The following MSL2 variants were observed in gnomAD, a reference collection of about 807,000 sequenced individuals.
MSL2 encodes the protein E3 ubiquitin-protein ligase MSL2.
A neutral mutation model predicts 35.8 loss-of-function variants in MSL2; 2 were observed. The ratio of observed to expected loss-of-function variants is 0.06; its 90% CI spans 0.02 to 0.18. The LOEUF (loss-of-function observed/expected upper bound fraction) is 0.18, where lower values mean the gene tolerates loss of function less well. MSL2 is among the 10% of genes least tolerant of loss of function. The pLI is 1.00. For missense variants in MSL2, 523 were observed against 706.7 expected, an observed-to-expected ratio of 0.74 and a Z score of 2.95; for synonymous variants, 296 against 255.7, an observed-to-expected ratio of 1.16 and a Z score of -1.50.
intron 1 of MSL2, among the ~76,000 whole-genome samples, chr3:136,159,005 G>T (rs1362649451): frequency 1.3e-5 from 2 of 152,298 alleles, no homozygotes; most frequent in East Asian, 3.9e-4. Context: ...ATATTGTCAA[G>T]ATGGCAGTTT....
At chr3:136,175,503 T>G (rs1940148461) in intron 1 of MSL2, among the ~76,000 whole-genome samples, 1 of 151,732 alleles carries the variant, frequency 6.6e-6, no homozygotes, top group Non-Finnish European at 1.5e-5. Context: ...CTAAGCAGCA[T>G]AGTGAAACCC....
chr3:136,150,723 C>T lies in MSL2; in HGVS notation c.*424G>A, dbSNP rs148259011. Reference sequence around the variant, plus strand: ...GAGAAACATCAATGACATCTGAAGGCAGCACTGAGTTTCCTGAACTAATGG... The same window carrying T: ...GAGAAACATCAATGACATCTGAAGGTAGCACTGAGTTTCCTGAACTAATGG... On this transcript the variant is annotated 3_prime_UTR_variant, in exon 2 of 2. Transcript: ENST00000309993. 8.6e-5 allele frequency: 15 copies of T among 174,886 alleles called. No individual in the cohort carries two copies. The East Asian group carries it at 2.0e-3, about 23-fold the overall frequency. 10.8% of individuals were successfully genotyped at this position (174,886 alleles called of 1,614,324 possible). A position where few individuals can be genotyped will look rare whatever the true frequency, so the allele number is the denominator to read the frequency against.
rs527990310 is a variant in MSL2, at chr3:136,195,210, G to A, written c.-97C>T. On this transcript the variant is annotated 5_prime_UTR_variant, in exon 1 of 2. The change creates a premature stop within an existing upstream ORF in the 5' untranslated region. Coordinates refer to ENST00000309993, the MANE Select transcript of MSL2 (RefSeq NM_018133.4). ...AACGATGGCGAATTTGCAACAATTC[G>A]GAAGAAATCAGAGCCGAACCATTGG... 3 of 1,534,482 alleles carry A rather than the reference G, an allele frequency of 2.0e-6. No homozygotes were observed. The highest frequency in any genetic ancestry group is 1.4e-5 in the African/African-American group (1 of 71,778).
At chr3:136,167,654 A>C (rs191020228) in intron 1 of MSL2, among the ~76,000 whole-genome samples, 44 of 152,340 alleles carry the variant, frequency 2.9e-4, no homozygotes, top group Admixed American at 5.2e-4. Context: ...ACTAACAGAA[A>C]GCAAAAAATG....
rs536972559 is a variant in MSL2, at chr3:136,178,319, T to C, written c.142+16653A>G. On this transcript the variant is annotated intron_variant, in intron 1 of 1. Transcript: ENST00000309993. ...CTATAAGATAATGTAGGCTGATTAA[T>C]TAGGCAAAATTAAGTTGATTCATAC... Among the ~76,000 whole-genome samples, 31 of 152,284 alleles carry C rather than the reference T, an allele frequency of 2.0e-4. 1 individual carries two copies. The South Asian group carries it at 5.2e-3, about 25-fold the overall frequency.
intron 1 of MSL2, among the ~76,000 whole-genome samples, chr3:136,187,919 A>C (rs1313361888): frequency 6.6e-5 from 10 of 152,012 alleles, no homozygotes; most frequent in Admixed American, 6.6e-4. Context: ...ATTTTGATTC[A>C]GGTGGCCTGT....
intron 1 of MSL2, among the ~76,000 whole-genome samples, chr3:136,158,444 CA>C (rs1298109048): frequency 6.6e-6 from 1 of 151,636 alleles, no homozygotes; most frequent in African/African-American, 2.4e-5. Flanking sequence ...CACAAATTCA[CA>C]AACGAGAAAT....
intron 1 of MSL2, among the ~76,000 whole-genome samples, chr3:136,163,912 C>A (rs940727728): frequency 2.0e-5 from 3 of 152,184 alleles, no homozygotes; most frequent in African/African-American, 7.2e-5. Context: ...TTGTTAAGTT[C>A]CTGAGGCCTC....
chr3:136,175,343 CA>C (rs34663683), intron 1 of MSL2, among the ~76,000 whole-genome samples: 33,050 of 120,112 alleles, frequency 0.28, 3,876 homozygotes, highest in Non-Finnish European at 0.3. Context: ...GACTCCGTCT[CA>C]AAAAAAAAAA....
intron 1 of MSL2, among the ~76,000 whole-genome samples, chr3:136,156,623 G>A (rs1313228748): frequency 6.6e-6 from 1 of 152,124 alleles, no homozygotes; most frequent in Non-Finnish European, 1.5e-5. Flanking sequence ...CCAGCACCTT[G>A]GGAGGCCAAG....
chr3:136,186,716 C>T lies in MSL2; in HGVS notation c.142+8256G>A, dbSNP rs1940534246. ...GTGGAAAACACGCTCAGGGCTCCCA[C>T]TAATCCTACATTATAGTGAACTCTA... is the stretch of plus-strand genomic sequence containing the variant. On this transcript the variant is annotated intron_variant, in intron 1 of 1. Coordinates refer to ENST00000309993, the MANE Select transcript of MSL2 (RefSeq NM_018133.4). Among the ~76,000 whole-genome samples, 4 of 152,314 alleles carry T rather than the reference C, an allele frequency of 2.6e-5. No homozygotes were observed. In the South Asian group the frequency reaches 8.3e-4, roughly 32 times the overall value.
At chr3:136,185,590 G>A (rs1940498243) in intron 1 of MSL2, among the ~76,000 whole-genome samples, 1 of 151,780 alleles carries the variant, frequency 6.6e-6, no homozygotes, top group Admixed American at 6.6e-5. Flanking sequence ...AGGCTGGAGT[G>A]CAGTGGTGCA....
chr3:136,184,998 T>C (rs967364009), intron 1 of MSL2, among the ~76,000 whole-genome samples: 7 of 152,168 alleles, frequency 4.6e-5, no homozygotes, highest in African/African-American at 7.2e-5. Flanking sequence ...TTTTTGAGAC[T>C]GAGTCTTGCT....
At chr3:136,164,074 AT>A (rs1939777700) in intron 1 of MSL2, among the ~76,000 whole-genome samples, 1 of 152,234 alleles carries the variant, frequency 6.6e-6, no homozygotes, top group African/African-American at 2.4e-5. Flanking sequence ...ATCTGAGTTC[AT>A]TTTTTTAAAA....
At chr3:136,164,076 T>C (rs1939777758) in intron 1 of MSL2, among the ~76,000 whole-genome samples, 1 of 152,224 alleles carries the variant, frequency 6.6e-6, no homozygotes, top group African/African-American at 2.4e-5. Flanking sequence ...CTGAGTTCAT[T>C]TTTTTAAAAA....
At chr3:136,175,212 C>T (rs866888912) in intron 1 of MSL2, among the ~76,000 whole-genome samples, 2 of 152,128 alleles carry the variant, frequency 1.3e-5, no homozygotes, top group Middle Eastern at 3.4e-3. Flanking sequence ...GACGTGGTGG[C>T]GCACACCTGT....
intron 1 of MSL2, among the ~76,000 whole-genome samples, chr3:136,162,244 G>A (rs1181326670): frequency 1.3e-5 from 2 of 148,628 alleles, no homozygotes; most frequent in African/African-American, 2.5e-5. Context: ...CCCTATATAT[G>A]CATTTGAAAA....
intron 1 of MSL2, among the ~76,000 whole-genome samples, chr3:136,175,604 T>C (rs544580230): frequency 6.6e-6 from 1 of 151,954 alleles, no homozygotes; most frequent in African/African-American, 2.4e-5. Flanking sequence ...GGAGGATCAT[T>C]AGAGTCCAGG....
At chr3:136,168,342 AG>A in intron 1 of MSL2, among the ~76,000 whole-genome samples, 1 of 152,350 alleles carries the variant, frequency 6.6e-6, no homozygotes, top group Admixed American at 6.5e-5. Context: ...AAGAAGAAAA[AG>A]AACACAAACC....
Sources: allele counts gnomAD v4.1 joint callset (sites outside exome capture counted in the v4.1 genomes callset), GRCh38; gene constraint gnomAD v4.1.1; transcripts MANE v1.5; gene names NCBI Gene and HGNC (gene_info 2026-07-23, HGNC 2026-07-21).